BMP2K: variants seen among roughly 807,000 people sequenced by gnomAD.
BMP2K encodes BMP-2-inducible protein kinase.
BMP2K carries 74 observed loss-of-function variants against 116.0 expected under a neutral mutation model. That is an observed-to-expected ratio of 0.64 (90% CI 0.53 to 0.77). The LOEUF (loss-of-function observed/expected upper bound fraction) is 0.77, where lower values mean the gene tolerates loss of function less well. BMP2K is among the 30% of genes least tolerant of loss of function. BMP2K has a pLI of 0.00. For synonymous variants in BMP2K, 486 were observed against 502.5 expected, an observed-to-expected ratio of 0.97 and a Z score of 0.44; for missense variants, 1,365 against 1,403.6, an observed-to-expected ratio of 0.97 and a Z score of 0.44.
At chr4:78,799,710 T>C (rs1728475069) in intron 1 of BMP2K, among the ~76,000 whole-genome samples, 1 of 152,216 alleles carries the variant, frequency 6.6e-6, no homozygotes, top group African/African-American at 2.4e-5. Flanking sequence ...GACTAAATCT[T>C]GCTTACTCAT....
intron 14 of BMP2K, among the ~76,000 whole-genome samples, chr4:78,884,533 TG>T (rs1387777851): frequency 1.3e-5 from 2 of 152,168 alleles, no homozygotes; most frequent in Admixed American, 1.3e-4. Flanking sequence ...CTTATACTTT[TG>T]GTCTTAATTT....
chr4:78,816,214 G>T (rs766099910), intron 1 of BMP2K, among the ~76,000 whole-genome samples: 3 of 152,022 alleles, frequency 2.0e-5, no homozygotes, highest in Non-Finnish European at 4.4e-5. Flanking sequence ...TTTTTGGCAA[G>T]GGTACTTCAT....
In BMP2K at chr4:78,835,733, A is replaced by G. The variant is rs912418526; in HGVS notation, c.403+2046A>G. 7.9e-5 allele frequency among the ~76,000 whole-genome samples: 12 copies of G among 151,724 alleles called. No homozygotes were observed. The East Asian group carries it at 1.9e-3, about 25-fold the overall frequency. On this transcript the variant is annotated intron_variant, in intron 3 of 15. Transcript: ENST00000502613. ...AGGTAGTCCCTTTAAAATATTTGAGATGTTTCTTATATTTACTTCCATATT... is the reference window on the plus strand; with the variant it reads ...AGGTAGTCCCTTTAAAATATTTGAGGTGTTTCTTATATTTACTTCCATATT...
At chr4:78,828,962 T>G (rs1730017340) in intron 2 of BMP2K, among the ~76,000 whole-genome samples, 1 of 152,110 alleles carries the variant, frequency 6.6e-6, no homozygotes, top group Non-Finnish European at 1.5e-5. Context: ...GTTTTTGAAT[T>G]TTTGCATAGT....
chr4:78,902,532 A>G lies in BMP2K; in HGVS notation c.2063-8078A>G, dbSNP rs140897432. On this transcript the variant is annotated intron_variant, in intron 15 of 15. Transcript: ENST00000502613. ...ATGGCAGGCAGTATGCTGCCAATTC[A>G]AAGTGAACTTTGAAGTCTTATAGCC... 2.0e-5 allele frequency among the ~76,000 whole-genome samples: 3 copies of G among 152,264 alleles called. No individual in the cohort carries two copies. The East Asian group carries it at 5.8e-4, about 29-fold the overall frequency.
At chr4:78,827,291 C>T (rs976853822) in intron 2 of BMP2K, among the ~76,000 whole-genome samples, 1 of 151,756 alleles carries the variant, frequency 6.6e-6, no homozygotes, top group Non-Finnish European at 1.5e-5. Context: ...ATTGCATAAG[C>T]AAAGCCCGGT....
chr4:78,819,841 A>C (rs1456660332), intron 1 of BMP2K, among the ~76,000 whole-genome samples: 2 of 152,188 alleles, frequency 1.3e-5, no homozygotes, highest in Non-Finnish European at 2.9e-5. Context: ...TATTGCTTCA[A>C]AACCTCCAAC....
intron 14 of BMP2K, among the ~76,000 whole-genome samples, chr4:78,880,949 C>G (rs1335869334): frequency 6.6e-6 from 1 of 152,206 alleles, no homozygotes; most frequent in Non-Finnish European, 1.5e-5. Flanking sequence ...TTTGGAAAAA[C>G]AGCTACATGG....
rs1274233582 is a variant in BMP2K, at chr4:78,820,328, G to A, written c.179-5709G>A. Among the ~76,000 whole-genome samples the A allele has an allele frequency of 1.4e-4, 22 of 152,086 alleles. 1 individual carries two copies. Among genetic ancestry groups the A allele is most frequent in the Non-Finnish European group, 1.5e-5 (1 of 68,020 alleles). On this transcript the variant is annotated intron_variant, in intron 1 of 15. Coordinates refer to ENST00000502613, the MANE Select transcript of BMP2K (RefSeq NM_198892.2). ...AATATACAACCATTTTCTTCTTCTGGTAACTTTTAGGGTTTTCTTGTTATC... is the reference window on the plus strand; with the variant it reads ...AATATACAACCATTTTCTTCTTCTGATAACTTTTAGGGTTTTCTTGTTATC...
rs755015481 is a variant in BMP2K, at chr4:78,911,632, T to C, written c.3085T>C (p.Ser1029Pro). The change falls in exon 16 of 16, where the codon TCT (serine) becomes CCT (proline). Residue 1029 changes from serine (S) to proline (P), a missense_variant. Physicochemically the swap from Ser to Pro is moderately conservative, Grantham distance 74. Coordinates refer to ENST00000502613, the MANE Select transcript of BMP2K (RefSeq NM_198892.2). ...RRHKKVGRRD[S>P]QSSNEFLTIS... ...GCACAAAAAAGTGGGCCGCCGAGAC[T>C]CTCAAAGTAGCAATGAATTTTTAAC... 1.2e-6 allele frequency: 2 copies of C among 1,613,716 alleles called. No individual in the cohort carries two copies. The highest frequency in any genetic ancestry group is 2.2e-5 in the South Asian group (2 of 91,072).
chr4:78,881,861 T>C (rs2110069691), intron 14 of BMP2K, among the ~76,000 whole-genome samples: 1 of 152,172 alleles, frequency 6.6e-6, no homozygotes, highest in South Asian at 2.1e-4. Context: ...TTTTACAAAA[T>C]GAATAAATAA....
In BMP2K at chr4:78,813,796, AT is replaced by A. The variant is rs538864050; in HGVS notation, c.179-12234del. ...CAAGGGACCATCTAATCTTGATTTA[AT>A]TTTTTTCTTCTCAGGACTTACCGTT... On this transcript the variant is annotated intron_variant, in intron 1 of 15. Coordinates refer to ENST00000502613, the MANE Select transcript of BMP2K (RefSeq NM_198892.2). 2.0e-3 allele frequency among the ~76,000 whole-genome samples: 298 copies of A among 152,022 alleles called. 1 individual carries two copies. Among genetic ancestry groups the A allele is most frequent in the African/African-American group, 6.5e-3 (271 of 41,468 alleles).
chr4:78,797,271 T>G (rs1728342301), intron 1 of BMP2K, among the ~76,000 whole-genome samples: 1 of 152,146 alleles, frequency 6.6e-6, no homozygotes, highest in Non-Finnish European at 1.5e-5. Context: ...TTTCCACAGA[T>G]CGCATTCTTC....
chr4:78,818,462 GGC>G (rs1729462644), intron 1 of BMP2K, among the ~76,000 whole-genome samples: 9 of 152,212 alleles, frequency 5.9e-5, no homozygotes, highest in Non-Finnish European at 1.3e-4. Context: ...CATTCTGACT[GGC>G]GTGAGATGGT....
intron 1 of BMP2K, among the ~76,000 whole-genome samples, chr4:78,790,945 CTCTT>C (rs1455786151): frequency 6.6e-6 from 1 of 152,136 alleles, no homozygotes; most frequent in Non-Finnish European, 1.5e-5. Context: ...ATAATTGTCT[CTCTT>C]TCCAACTTTA....
chr4:78,796,670 A>G (rs1202715222), intron 1 of BMP2K, among the ~76,000 whole-genome samples: 1 of 152,204 alleles, frequency 6.6e-6, no homozygotes, highest in African/African-American at 2.4e-5. Flanking sequence ...GAACAGCAAT[A>G]TATAAGAGTT....
Position 78,844,950 on chromosome 4 carries a change from ATGG to A in BMP2K, c.573_575del (p.Gly192del), listed in dbSNP as rs1560525970. On this transcript the variant is annotated inframe_deletion, in exon 5 of 16. Transcript: ENST00000502613. ...AAGGTAGAAAATATTTTGTTGAATG[ATGG>A]TGGGAACTATGTACTTTGTGACTTT... The A allele has an allele frequency of 6.3e-7, 1 of 1,596,696 alleles. No individual in the cohort carries two copies. Among genetic ancestry groups the A allele is most frequent in the African/African-American group, 1.3e-5 (1 of 74,268 alleles).
At chr4:78,833,259 AAAAC>A (rs1282896842) in intron 2 of BMP2K, among the ~76,000 whole-genome samples, 1 of 152,092 alleles carries the variant, frequency 6.6e-6, no homozygotes, top group Non-Finnish European at 1.5e-5. Flanking sequence ...TTTTTAGATA[AAAAC>A]AAATGTAATA....
chr4:78,862,346 T>A (rs1334264805), intron 9 of BMP2K, among the ~76,000 whole-genome samples: 1 of 152,004 alleles, frequency 6.6e-6, no homozygotes, highest in Non-Finnish European at 1.5e-5. Flanking sequence ...GGGGAAAGAC[T>A]GGGAACAGAG....
Sources: allele counts gnomAD v4.1 joint callset (sites outside exome capture counted in the v4.1 genomes callset), GRCh38; gene constraint gnomAD v4.1.1; transcripts MANE v1.5; gene names NCBI Gene and HGNC (gene_info 2026-07-23, HGNC 2026-07-21).